The following TCFL5 variants were observed in gnomAD, a reference collection of about 807,000 sequenced individuals.
TCFL5 encodes transcription factor-like 5 protein.
TCFL5 carries 9 observed loss-of-function variants against 44.3 expected under a neutral mutation model. The ratio of observed to expected loss-of-function variants is 0.20; its 90% CI spans 0.12 to 0.35. The LOEUF (loss-of-function observed/expected upper bound fraction) is 0.35. TCFL5 is among the 10% of genes least tolerant of loss of function. TCFL5 has a pLI of 1.00. For synonymous variants in TCFL5, 319 were observed against 271.6 expected (o/e 1.17, Z -1.72); for missense variants, 603 against 613.4 (o/e 0.98, Z 0.18).
intron 5 of TCFL5, among the ~76,000 whole-genome samples, chr20:62,844,192 G>A (rs1230147833): frequency 6.6e-6 from 1 of 152,206 alleles, no homozygotes; most frequent in African/African-American, 2.4e-5. Context: ...CAGCGGCAAA[G>A]CACAGGGATT....
chr20:62,861,062 G>A lies in TCFL5; in HGVS notation c.609C>T (p.Arg203=). The change falls in exon 1 of 6, where the codon CGC becomes CGT. Residue 203 remains arginine (R), a synonymous_variant. Transcript: ENST00000335351. This position sits in a 1 kb window ranked among gnomAD's most constrained non-coding sequence, Gnocchi z 4.0. ...CGCCCGGCTCGGGGGGCTCGGGGCC[G>A]CGCGGCGCGGGCGGCGGCTCGGCGG... ...SIPAEPPPAP[R]GPEPPEPGGA... The A allele has an allele frequency of 1.0e-6, 1 of 995,988 alleles. No homozygotes were observed. The highest frequency in any genetic ancestry group is 1.2e-6 in the Non-Finnish European group (1 of 838,554). The allele number at this position is 995,988 out of a possible 1,614,324, so 61.7% of individuals were successfully genotyped here.
At chr20:62,843,444 C>T (rs1001941844) in intron 5 of TCFL5, among the ~76,000 whole-genome samples, 2 of 151,440 alleles carry the variant, frequency 1.3e-5, no homozygotes, top group South Asian at 4.2e-4. Flanking sequence ...GGTGGGAGGG[C>T]GAGGGGATAG....
At chr20:62,846,505 T>C (rs948551450) in intron 5 of TCFL5, among the ~76,000 whole-genome samples, 15 of 152,184 alleles carry the variant, frequency 9.9e-5, no homozygotes, top group Admixed American at 4.6e-4. Flanking sequence ...ACAGAACATA[T>C]GTGAAATCGT....
chr20:62,850,494 G>A (rs1040417662), intron 5 of TCFL5, among the ~76,000 whole-genome samples: 2 of 151,354 alleles, frequency 1.3e-5, no homozygotes, highest in Non-Finnish European at 2.9e-5. Flanking sequence ...AACTGGTACC[G>A]CCACAAACAC....
At position 62,857,510 on chromosome 20, in the gene TCFL5, C is replaced by T. The variant is rs775014868; in HGVS notation, c.1123G>A (p.Ala375Thr). The T allele has an allele frequency of 1.9e-5, 30 of 1,614,250 alleles. No individual in the cohort carries two copies. The highest frequency in any genetic ancestry group is 1.6e-4 in the Middle Eastern group (1 of 6,062). ...VGEGATATQG[A>T]WQSSESSQAN... is the part of the protein sequence containing the mutation. ...TGTGAGGACTCCGAGGACTGCCAAG[C>T]GCCTTGTGTGGCGGTGGCACCTTCG... is the stretch of plus-strand genomic sequence containing the variant. The change falls in exon 4 of 6, where the codon GCT becomes ACT. Residue 375 changes from alanine to threonine, a missense_variant. Transcript: ENST00000335351.
intron 5 of TCFL5, among the ~76,000 whole-genome samples, chr20:62,850,027 T>G (rs552751960): frequency 2.0e-5 from 3 of 152,096 alleles, no homozygotes; most frequent in Admixed American, 2.0e-4. Flanking sequence ...AAAGAACATT[T>G]TGGGCAAATC....
chr20:62,853,221 G>GCACCCAGTCCACAGAAGTATAGT, intron 5 of TCFL5, among the ~76,000 whole-genome samples: 1 of 100,874 alleles, frequency 9.9e-6, no homozygotes, highest in Non-Finnish European at 1.7e-5. Flanking sequence ...AGAAGTATAT[G>GCACCCAGTCCACAGAAGTATAGT]CACCCAGTCC....
chr20:62,851,413 TATAA>T, intron 5 of TCFL5: 1 of 642,354 alleles, frequency 1.6e-6, no homozygotes, highest in Non-Finnish European at 1.9e-6. Flanking sequence ...TTTCAAAAAT[TATAA>T]ATGCCTTCGT....
rs778502693 is a variant in TCFL5, at chr20:62,860,316, G to T, written c.648-8C>A. 1 of 1,601,008 alleles carries T rather than the reference G, an allele frequency of 6.2e-7. No homozygotes were observed. The highest frequency in any genetic ancestry group is 8.6e-7 in the Non-Finnish European group (1 of 1,169,124). On this transcript the variant is annotated splice_polypyrimidine_tract_variant and splice_region_variant and intron_variant, in intron 1 of 5. Transcript: ENST00000335351. ...CGAATGAGAGTTACCAAACTGCCAA[G>T]ACAAAAGAAAGCCCAGAAGTGTCAG...
At chr20:62,860,345 T>C in intron 1 of TCFL5, 37 bp from the exon 2 acceptor site, 8 of 1,570,258 alleles carry the variant, frequency 5.1e-6, no homozygotes, top group Non-Finnish European at 7.0e-6. Context: ...GTGTCAGCAA[T>C]ACGTGGCAGA....
Position 62,861,384 on chromosome 20 carries a change from G to A in TCFL5, c.287C>T (p.Ala96Val). Residue 96 changes from alanine (A) to valine (V), a missense_variant, in exon 1 of 6, where the codon GCG (alanine) becomes GTG (valine). Physicochemically the swap from Ala to Val is moderately conservative, Grantham distance 64. Around this residue, in one of 4 missense-constraint regions of TCFL5, gnomAD observed 540 missense variants for 478.7 expected, o/e 1.13. Transcript: ENST00000335351. The surrounding 1 kb of genome is among the most constrained non-coding windows in gnomAD (Gnocchi z 4.0). ...GPGAGAGGFA[A>V]GGQGGAAPVY... is the part of the protein sequence containing the mutation. Reference sequence around the variant, plus strand: ...GGGCGCCGCGCCCCCCTGACCGCCCGCCGCGAAGCCGCCCGCGCCTGCGCC... The same window carrying A: ...GGGCGCCGCGCCCCCCTGACCGCCCACCGCGAAGCCGCCCGCGCCTGCGCC... 1 of 1,074,388 alleles carries A rather than the reference G, an allele frequency of 9.3e-7. No individual in the cohort carries two copies. The highest frequency in any genetic ancestry group is 1.1e-6 in the Non-Finnish European group (1 of 891,366). 66.6% of individuals were successfully genotyped at this position (1,074,388 alleles called of 1,614,324 possible).
chr20:62,861,499 G>C lies in TCFL5; in HGVS notation c.172C>G (p.Gln58Glu), dbSNP rs770222234. The change falls in exon 1 of 6, where the codon CAG becomes GAG. Residue 58 changes from glutamine to glutamate, a missense_variant. By Grantham distance (29) the Gln-to-Glu change is conservative (BLOSUM62 2). This residue lies in a region of TCFL5 where 540 missense variants were observed against 478.7 expected (regional missense o/e 1.13). Transcript: ENST00000335351. The surrounding 1 kb of genome is among the most constrained non-coding windows in gnomAD (Gnocchi z 4.0). ...EMTEVEYTQL[Q>E]HILCSHMEAA... ...TCCATGTGCGAGCAGAGGATGTGCT[G>C]CAGCTGCGTGTACTCCACCTCCGTC... 1.7e-6 allele frequency: 2 copies of C among 1,199,066 alleles called. No individual in the cohort carries two copies. Among genetic ancestry groups the C allele is most frequent in the Admixed American group, 6.7e-5 (2 of 29,718 alleles). The allele number at this position is 1,199,066 out of a possible 1,614,324, so 74.3% of individuals were successfully genotyped here.
At chr20:62,856,748 A>G (rs1374923367) in intron 4 of TCFL5, among the ~76,000 whole-genome samples, 1 of 151,168 alleles carries the variant, frequency 6.6e-6, no homozygotes, top group African/African-American at 2.4e-5. Flanking sequence ...AACTTGCTGA[A>G]CTCAAGCTGG....
chr20:62,860,424 G>A (rs944440350), intron 1 of TCFL5, 116 bp from the exon 2 acceptor site: 2 of 887,750 alleles, frequency 2.3e-6, no homozygotes, highest in African/African-American at 3.4e-5. Context: ...CTCTCATCCT[G>A]GAAATCTCTA....
chr20:62,859,942 C>A (rs755096056), intron 2 of TCFL5, among the ~76,000 whole-genome samples, 183 bp downstream of exon 2: 55 of 152,132 alleles, frequency 3.6e-4, no homozygotes, highest in Admixed American at 1.7e-3. Flanking sequence ...CTCCTGAACT[C>A]AAATGACCCA....
chr20:62,846,138 A>G (rs1000818601), intron 5 of TCFL5: 1 of 1,245,898 alleles, frequency 8.0e-7, no homozygotes, highest in Non-Finnish European at 1.1e-6. Flanking sequence ...AAGCATTCTT[A>G]ATTATCCATC....
chr20:62,843,002 T>C (rs1298567423), intron 5 of TCFL5, among the ~76,000 whole-genome samples: 1 of 151,824 alleles, frequency 6.6e-6, no homozygotes, highest in East Asian at 1.9e-4. Context: ...TCAATTATAA[T>C]GGTGGGGTCA....
chr20:62,859,286 C>A (rs879079270), intron 3 of TCFL5, 78 bp downstream of exon 3: 4 of 1,456,080 alleles, frequency 2.7e-6, no homozygotes, highest in South Asian at 2.5e-5. Context: ...GTCTCCCCTG[C>A]CCCCCAAGGC....
intron 5 of TCFL5, among the ~76,000 whole-genome samples, chr20:62,847,878 C>T (rs1038644607): frequency 3.9e-5 from 6 of 152,094 alleles, no homozygotes; most frequent in African/African-American, 7.2e-5. Flanking sequence ...GGCGTGGTGG[C>T]GTGACCAAAC....
Sources: allele counts gnomAD v4.1 joint callset (sites outside exome capture counted in the v4.1 genomes callset), GRCh38; gene constraint gnomAD v4.1.1; regional missense constraint gnomAD v4.1.1; non-coding constraint Gnocchi (gnomAD v3.1); transcripts MANE v1.5; gene names NCBI Gene and HGNC (gene_info 2026-07-23, HGNC 2026-07-21).